Variants in LSM3 observed in about 807,000 individuals in gnomAD.
LSM3 encodes the protein LSM3 homolog, U6 small nuclear RNA and mRNA degradation associated.
Under a neutral mutation model 15.4 loss-of-function variants are expected in LSM3, and 14 were observed. That is an observed-to-expected ratio of 0.91 (90% confidence interval 0.60 to 1.42). The LOEUF (loss-of-function observed/expected upper bound fraction) is 1.42. LSM3 is among the 40% of genes most tolerant of loss of function. The pLI, the probability that LSM3 is intolerant of heterozygous loss-of-function variation, is 0.00. For missense variants in LSM3, 88 were observed against 127.9 expected, an observed-to-expected ratio of 0.69 and a Z score of 1.50; for synonymous variants, 46 against 45.1, an observed-to-expected ratio of 1.02 and a Z score of -0.08.
chr3:14,181,309 C>G (rs565636697), intron 1 of LSM3, among the ~76,000 whole-genome samples: 16 of 152,304 alleles, frequency 1.1e-4, no homozygotes, highest in African/African-American at 3.8e-4. Flanking sequence ...TGTGTAACTT[C>G]TCATGTATGT....
intron 3 of LSM3, among the ~76,000 whole-genome samples, chr3:14,185,371 C>CAA (rs138222355): frequency 1.3e-5 from 2 of 150,454 alleles, no homozygotes; most frequent in Non-Finnish European, 3.0e-5. Context: ...CAAAACAAAA[C>CAA]AAAAAAAAAC....
intron 3 of LSM3, among the ~76,000 whole-genome samples, chr3:14,191,791 G>A (rs1378983451): frequency 1.3e-5 from 2 of 151,498 alleles, no homozygotes; most frequent in Non-Finnish European, 2.9e-5. Flanking sequence ...TTCAGTTCTG[G>A]TCTGATCTTG....
chr3:14,187,263 A>C (rs969738250), intron 3 of LSM3, among the ~76,000 whole-genome samples: 1 of 152,222 alleles, frequency 6.6e-6, no homozygotes, highest in African/African-American at 2.4e-5. Context: ...ACTGACCTCC[A>C]TTAAGATTAA....
At chr3:14,180,849 TTTTTTTTTA>T (rs1697030310) in intron 1 of LSM3, among the ~76,000 whole-genome samples, 2 of 83,834 alleles carry the variant, frequency 2.4e-5, no homozygotes, top group African/African-American at 9.9e-5. Flanking sequence ...TTTTTTTTTT[TTTTTTTTTA>T]AAAAAAAAAA....
At chr3:14,179,647 C>T (rs184438261) in intron 1 of LSM3, among the ~76,000 whole-genome samples, 30 of 152,236 alleles carry the variant, frequency 2.0e-4, no homozygotes, top group African/African-American at 7.2e-4. Context: ...TGAATCTCTC[C>T]CCACTAGAAT....
At chr3:14,193,498 C>A (rs1315919076) in intron 3 of LSM3, among the ~76,000 whole-genome samples, 1 of 152,144 alleles carries the variant, frequency 6.6e-6, no homozygotes, top group Non-Finnish European at 1.5e-5. Context: ...TTTCTCTAAT[C>A]TTGTCTTCTG....
Position 14,184,829 on chromosome 3 carries a change from G to T in LSM3, c.228+797G>T, listed in dbSNP as rs559835151. ...CTAGCACTTTGGGAGGCTGAGGCAG[G>T]TGGATCACCTGAGGTCAGGAGTTCG... is the stretch of plus-strand genomic sequence containing the variant. On this transcript the variant is annotated intron_variant, in intron 3 of 3. Transcript: ENST00000306024. Among the ~76,000 whole-genome samples, 3 of 152,254 alleles carry T rather than the reference G, an allele frequency of 2.0e-5. No homozygotes were observed. The East Asian group carries it at 5.8e-4, about 29-fold the overall frequency.
At chr3:14,194,249 G>A (rs954773066) in intron 3 of LSM3, among the ~76,000 whole-genome samples, 7 of 152,192 alleles carry the variant, frequency 4.6e-5, no homozygotes, top group Non-Finnish European at 8.8e-5. Context: ...ACCCACTTGA[G>A]GAGGCAGACT....
intron 1 of LSM3, among the ~76,000 whole-genome samples, chr3:14,180,325 A>G (rs368619108): frequency 1.5e-4 from 22 of 151,220 alleles, no homozygotes; most frequent in African/African-American, 5.3e-4. Context: ...GTCTCACTCT[A>G]TCGCCCAGGC....
At chr3:14,188,347 G>A (rs1042417979) in intron 3 of LSM3, among the ~76,000 whole-genome samples, 3 of 152,104 alleles carry the variant, frequency 2.0e-5, no homozygotes, top group Non-Finnish European at 4.4e-5. Flanking sequence ...AGACCATATG[G>A]TCCATATCAC....
intron 3 of LSM3, among the ~76,000 whole-genome samples, chr3:14,193,923 A>T (rs964702727): frequency 6.6e-6 from 1 of 151,970 alleles, no homozygotes; most frequent in Non-Finnish European, 1.5e-5. Flanking sequence ...GGATTTATCT[A>T]CCTCTAGTCT....
chr3:14,198,022 T>C lies in LSM3; in HGVS notation c.229-14T>C. ...CAGTTGTACAAATATGTTCTGTTTT[T>C]TTTTCTCTTCTAGTCAACGAAACGG... On this transcript the variant is annotated splice_polypyrimidine_tract_variant and intron_variant, in intron 3 of 3. Coordinates refer to ENST00000306024, the MANE Select transcript of LSM3 (RefSeq NM_014463.3). The C allele has an allele frequency of 6.2e-7, 1 of 1,607,430 alleles. No individual in the cohort carries two copies. Among genetic ancestry groups the C allele is most frequent in the Non-Finnish European group, 8.5e-7 (1 of 1,173,994 alleles).
Position 14,178,872 on chromosome 3 carries a change from C to T in LSM3, c.12C>T (p.Asp4=), listed in dbSNP as rs570070503. The part of the protein sequence containing the change: MAD[D]VDQQQTTNTV... The stretch of plus-strand genomic sequence containing the variant: ...GCAGGGTTTGAAACATGGCGGACGA[C>T]GTAGACCAGGTAAGTGTATTTTAAG... The change falls in exon 1 of 4, where the codon GAC becomes GAT. Residue 4 remains aspartate (D), a synonymous_variant. Transcript: ENST00000306024. 6.8e-6 allele frequency: 11 copies of T among 1,614,216 alleles called. No individual in the cohort carries two copies. The highest frequency in any genetic ancestry group is 6.6e-5 in the South Asian group (6 of 91,080).
intron 3 of LSM3, among the ~76,000 whole-genome samples, chr3:14,190,950 A>C (rs773825204): frequency 1.3e-5 from 2 of 152,154 alleles, no homozygotes; most frequent in African/African-American, 4.8e-5. Flanking sequence ...TATTATTTTG[A>C]GATATGTTTC....
chr3:14,181,861 C>A (rs570246473), intron 2 of LSM3, among the ~76,000 whole-genome samples, 191 bp downstream of exon 2: 5 of 152,112 alleles, frequency 3.3e-5, no homozygotes, highest in African/African-American at 9.7e-5. Context: ...AATAGAAATA[C>A]GTTTATTATA....
rs369064883 is a variant in LSM3 at position 14,187,384 on chromosome 3, A to G, written c.228+3352A>G. 2.6e-5 allele frequency among the ~76,000 whole-genome samples: 4 copies of G among 152,220 alleles called. No homozygotes were observed. In the East Asian group the frequency reaches 5.8e-4, roughly 22 times the overall value. ...CAGCTGAGAACAGTAAGCAAAGTCT[A>G]TTTAGTTAATGAGTTCTTTTTCACA... On this transcript the variant is annotated intron_variant, in intron 3 of 3. Coordinates refer to ENST00000306024, the MANE Select transcript of LSM3 (RefSeq NM_014463.3).
intron 3 of LSM3, among the ~76,000 whole-genome samples, chr3:14,194,775 CTTTT>C (rs145805608): frequency 0.11 from 9,367 of 88,620 alleles, 494 homozygotes; most frequent in African/African-American, 0.17. Flanking sequence ...TTATAGCATC[CTTTT>C]TTTTTTTTTT....
rs1697209675 is a variant in LSM3 at position 14,198,896 on chromosome 3, T to C, written c.*780T>C. 2 of 151,120 alleles carry C rather than the reference T, an allele frequency of 1.3e-5. No homozygotes were observed. The highest frequency in any genetic ancestry group is 4.9e-5 in the African/African-American group (2 of 41,116). 9.4% of individuals were successfully genotyped at this position (151,120 alleles called of 1,614,324 possible). A position where few individuals can be genotyped will look rare whatever the true frequency, so the allele number is the denominator to read the frequency against. ...AAAAGTTTTCTGCCCTCAAGTCTTCTGGGGAGGCAGATGTTTAAACCAACA... is the reference window on the plus strand; with the variant it reads ...AAAAGTTTTCTGCCCTCAAGTCTTCCGGGGAGGCAGATGTTTAAACCAACA... On this transcript the variant is annotated 3_prime_UTR_variant, in exon 4 of 4. Coordinates refer to ENST00000306024, the MANE Select transcript of LSM3 (RefSeq NM_014463.3).
At chr3:14,189,584 G>T (rs1377486288) in intron 3 of LSM3, among the ~76,000 whole-genome samples, 2 of 151,982 alleles carry the variant, frequency 1.3e-5, no homozygotes, top group African/African-American at 2.4e-5. Context: ...ATGTCTTTTG[G>T]CTGCATAAAT....
Sources: gnomAD v4.1 joint callset for allele counts (sites outside exome capture counted in the v4.1 genomes callset) on GRCh38, gnomAD v4.1.1 for gene constraint, MANE v1.5 for transcripts, NCBI Gene and HGNC (gene_info 2026-07-23, HGNC 2026-07-21) for gene names.